FREM3: variants seen among roughly 807,000 people sequenced by gnomAD.
FREM3 encodes FRAS1 related extracellular matrix 3.
In FREM3, 105 loss-of-function variants were observed where a neutral mutation model predicts 129.1. The ratio of observed to expected loss-of-function variants is 0.81; its 90% CI spans 0.69 to 0.96. FREM3 has a LOEUF of 0.96. FREM3 is among the 40% of genes least tolerant of loss of function. The pLI, the probability that FREM3 is intolerant of heterozygous loss-of-function variation, is 0.00. For synonymous variants in FREM3, 1,014 were observed against 1,044.9 expected (o/e 0.97, Z 0.57); for missense variants, 2,593 against 2,666.3 (o/e 0.97, Z 0.61).
intron 2 of FREM3, among the ~76,000 whole-genome samples, chr4:143,654,537 A>G (rs558214210): frequency 2.0e-5 from 3 of 152,378 alleles, no homozygotes; most frequent in Non-Finnish European, 4.4e-5. Flanking sequence ...AACAAGACTC[A>G]GTAAAAAAGA....
chr4:143,692,663 C>T (rs10009704), intron 2 of FREM3, among the ~76,000 whole-genome samples: 151,441 of 152,158 alleles, frequency 1, 75,370 homozygotes, highest in Middle Eastern at 1. Flanking sequence ...ATATATATAT[C>T]TACCCCATCC....
At chr4:143,684,141 C>T (rs1740311004) in intron 2 of FREM3, among the ~76,000 whole-genome samples, 1 of 152,096 alleles carries the variant, frequency 6.6e-6, no homozygotes, top group South Asian at 2.1e-4. Flanking sequence ...CTGGTTCCTC[C>T]CCATACTACC....
chr4:143,638,194 C>A (rs1176914847), intron 2 of FREM3, among the ~76,000 whole-genome samples: 9 of 152,036 alleles, frequency 5.9e-5, no homozygotes, highest in Admixed American at 4.6e-4. Context: ...TTTTGCATGC[C>A]TCAACAGGGA....
chr4:143,652,677 G>A (rs1163556116), intron 2 of FREM3, among the ~76,000 whole-genome samples: 1 of 152,188 alleles, frequency 6.6e-6, no homozygotes, highest in Non-Finnish European at 1.5e-5. Context: ...CTGTTGCTCA[G>A]GCTGGAGTAC....
intron 2 of FREM3, among the ~76,000 whole-genome samples, chr4:143,664,383 G>T: frequency 6.6e-6 from 1 of 152,126 alleles, no homozygotes; most frequent in South Asian, 2.1e-4. Context: ...AGCAGCAGCG[G>T]TGTCTGCAGA....
chr4:143,652,055 C>T (rs1409767974), intron 2 of FREM3, among the ~76,000 whole-genome samples: 1 of 151,980 alleles, frequency 6.6e-6, no homozygotes, highest in Non-Finnish European at 1.5e-5. Context: ...TTACACGCTG[C>T]CAGTTTCTTC....
chr4:143,673,686 A>G (rs1740048293), intron 2 of FREM3, among the ~76,000 whole-genome samples: 1 of 152,234 alleles, frequency 6.6e-6, no homozygotes, highest in South Asian at 2.1e-4. Flanking sequence ...CCCTGCCCCC[A>G]GAGGTAGAGT....
intron 7 of FREM3, among the ~76,000 whole-genome samples, chr4:143,579,165 CAAAA>C (rs886210463): frequency 1.3e-5 from 2 of 151,344 alleles, no homozygotes; most frequent in Non-Finnish European, 2.9e-5. Flanking sequence ...ATTAAGAAAA[CAAAA>C]AAAGCCGGGC....
chr4:143,662,365 C>A lies in FREM3; in HGVS notation c.5275+30748G>T, dbSNP rs554444953. 5.3e-5 allele frequency among the ~76,000 whole-genome samples: 8 copies of A among 152,144 alleles called. No homozygotes were observed. The South Asian group carries it at 1.4e-3, about 28-fold the overall frequency. ...TTAGTACCCAGTAGTCATTCAGGAG[C>A]AGGTTGTTCAGTTTCCATGTAGTTG... On this transcript the variant is annotated intron_variant, in intron 2 of 7. Transcript: ENST00000329798.
intron 2 of FREM3, among the ~76,000 whole-genome samples, chr4:143,672,912 A>T (rs539539516): frequency 6.6e-6 from 1 of 152,298 alleles, no homozygotes; most frequent in South Asian, 2.1e-4. Flanking sequence ...CATTCGTCAC[A>T]TGGTTCTCGT....
intron 5 of FREM3, among the ~76,000 whole-genome samples, chr4:143,619,588 C>T (rs1025956250): frequency 6.6e-6 from 1 of 152,156 alleles, no homozygotes; most frequent in African/African-American, 2.4e-5. Context: ...CTCTGGAAGT[C>T]ATGTTAAAGT....
intron 2 of FREM3, among the ~76,000 whole-genome samples, chr4:143,680,646 G>A (rs777503480): frequency 3.3e-5 from 5 of 151,988 alleles, no homozygotes; most frequent in Admixed American, 6.6e-5. Context: ...AATTAGAGTT[G>A]TTTGAAAAAT....
Position 143,611,169 on chromosome 4 carries a change from T to C in FREM3, c.6028+110A>G, listed in dbSNP as rs1484986965. The C allele has an allele frequency of 2.5e-6, 3 of 1,224,212 alleles. No homozygotes were observed. The African/African-American group carries it at 4.6e-5, about 19-fold the overall frequency. 75.8% of individuals were successfully genotyped at this position (1,224,212 alleles called of 1,614,324 possible). On this transcript the variant is annotated intron_variant, in intron 6 of 7. Coordinates refer to ENST00000329798, the MANE Select transcript of FREM3 (RefSeq NM_001168235.2). ...CACAGTTTTTGGAGATAAAAGAACA[T>C]CAAATATTCTTTTAAAAGATAATTT...
At chr4:143,646,583 C>G (rs1345591866) in intron 2 of FREM3, among the ~76,000 whole-genome samples, 1 of 152,154 alleles carries the variant, frequency 6.6e-6, no homozygotes, top group African/African-American at 2.4e-5. Flanking sequence ...CTTCTCTCAG[C>G]ACTCACTTCT....
At chr4:143,674,780 C>T (rs1036554567) in intron 2 of FREM3, among the ~76,000 whole-genome samples, 3 of 152,046 alleles carry the variant, frequency 2.0e-5, no homozygotes, top group Non-Finnish European at 4.4e-5. Context: ...CAACAAAGAT[C>T]AAAAGAGAAA....
intron 2 of FREM3, among the ~76,000 whole-genome samples, chr4:143,642,100 G>A (rs1739329768): frequency 6.6e-6 from 1 of 152,152 alleles, no homozygotes; most frequent in Non-Finnish European, 1.5e-5. Flanking sequence ...ACCCCAAAAG[G>A]TGAAAGACCT....
Position 143,700,655 on chromosome 4 carries a change from G to T in FREM3, c.21C>A (p.His7Gln). ...GGAGCTGCCGGGGCGTCCCAGTCGG[G>T]TGCCGAGAAGCCCCCGCCATGGCCA... Reference protein sequence around the residue: MAGASRHPTGTPRQLLV... With the variant: MAGASRQPTGTPRQLLV... Residue 7 changes from histidine to glutamine, a missense_variant, in exon 1 of 8, where the codon CAC becomes CAA. By Grantham distance (24) the His-to-Gln change is conservative. Coordinates refer to ENST00000329798, the MANE Select transcript of FREM3 (RefSeq NM_001168235.2). The T allele has an allele frequency of 1.4e-6, 2 of 1,429,318 alleles. No homozygotes were observed. Among genetic ancestry groups the T allele is most frequent in the Non-Finnish European group, 1.8e-6 (2 of 1,096,706 alleles). The allele number at this position is 1,429,318 out of a possible 1,614,324, so 88.5% of individuals were successfully genotyped here. A position where few individuals can be genotyped will look rare whatever the true frequency, so the allele number is the denominator to read the frequency against.
intron 2 of FREM3, among the ~76,000 whole-genome samples, chr4:143,638,356 T>C (rs552919960): frequency 1.3e-5 from 2 of 152,282 alleles, no homozygotes; most frequent in Admixed American, 1.3e-4. Context: ...CCATCTCTTT[T>C]TGGGAGTTGA....
At chr4:143,669,002 G>A (rs1010980802) in intron 2 of FREM3, among the ~76,000 whole-genome samples, 2 of 152,164 alleles carry the variant, frequency 1.3e-5, no homozygotes, top group Non-Finnish European at 2.9e-5. Flanking sequence ...ACTGAAGAAT[G>A]TCTGTCTTCT....
Sources: allele counts gnomAD v4.1 joint callset (sites outside exome capture counted in the v4.1 genomes callset), GRCh38; gene constraint gnomAD v4.1.1; transcripts MANE v1.5; gene names NCBI Gene and HGNC (gene_info 2026-07-23, HGNC 2026-07-21).